RYK: variants seen among roughly 807,000 people sequenced by gnomAD.
The protein encoded by RYK is receptor like tyrosine kinase, also known as inactive tyrosine-protein kinase RYK.
In RYK, 21 loss-of-function variants were observed where a neutral mutation model predicts 70.2. That is an observed-to-expected ratio of 0.30 (90% CI 0.21 to 0.43). The LOEUF (loss-of-function observed/expected upper bound fraction) is 0.43. Ranked by LOEUF, RYK falls within the 20% of genes least tolerant of loss-of-function variation. The probability of loss-of-function intolerance (pLI) is 1.00; values close to 1 mark genes in which losing one functional copy is unlikely to be tolerated. For missense variants in RYK, 604 were observed against 753.3 expected, an observed-to-expected ratio of 0.80 and a Z score of 2.32; for synonymous variants, 267 against 278.0, an observed-to-expected ratio of 0.96 and a Z score of 0.39.
At chr3:134,202,615 G>A in intron 6 of RYK, 115 bp downstream of exon 6, 1 of 769,808 alleles carries the variant, frequency 1.3e-6, no homozygotes, top group Non-Finnish European at 2.0e-6. Flanking sequence ...CTTTGGCTGG[G>A]GCTTAATCAT....
intron 1 of RYK, among the ~76,000 whole-genome samples, chr3:134,224,385 G>C (rs1038186204): frequency 6.6e-6 from 1 of 152,140 alleles, no homozygotes; most frequent in East Asian, 1.9e-4. Flanking sequence ...TGCATTTCTC[G>C]GAGAGATCAA....
At chr3:134,214,242 G>A (rs1006717008) in intron 2 of RYK, among the ~76,000 whole-genome samples, 3 of 152,106 alleles carry the variant, frequency 2.0e-5, no homozygotes, top group Non-Finnish European at 1.5e-5. Flanking sequence ...ATCCTGACAC[G>A]CTAAAGAATT....
In RYK at chr3:134,195,129, G is replaced by C. The variant is rs2013771752; in HGVS notation, c.842C>G (p.Thr281Ser). The C allele has an allele frequency of 6.2e-7, 1 of 1,613,696 alleles. No homozygotes were observed. The change falls in exon 7 of 15, where the codon ACT (threonine) becomes AGT (serine). Residue 281 changes from threonine (T) to serine (S), a missense_variant. Physicochemically the swap from Thr to Ser is moderately conservative, Grantham distance 58. Transcript: ENST00000623711. The stretch of plus-strand genomic sequence containing the variant: ...GGGCGTGTCTGCTCTCAGATACTGA[G>C]TCGTCTGGGTGGATGGCTGAGACAG... ...QGLSQPSTQT[T>S]QYLRADTPNN...
chr3:134,216,411 T>C (rs1289059185), intron 2 of RYK, among the ~76,000 whole-genome samples: 1 of 151,200 alleles, frequency 6.6e-6, no homozygotes, highest in Non-Finnish European at 1.5e-5. Context: ...GACGAATTCC[T>C]GAAAGCACAG....
intron 1 of RYK, among the ~76,000 whole-genome samples, chr3:134,238,151 A>G (rs2015237842): frequency 6.6e-6 from 1 of 152,258 alleles, no homozygotes; most frequent in Non-Finnish European, 1.5e-5. Context: ...TAACTACATT[A>G]TAAGACAAGG....
In RYK at chr3:134,209,496, T is replaced by C. The variant is rs1384056885; in HGVS notation, c.589+199A>G. ...TTCTGACAAAAGATTTGAGAAAGCA[T>C]GGACTGAATGAGGCCTGAGTGAGAT... is the stretch of plus-strand genomic sequence containing the variant. On this transcript the variant is annotated intron_variant, in intron 4 of 14. Transcript: ENST00000623711. 2.0e-5 allele frequency among the ~76,000 whole-genome samples: 3 copies of C among 152,214 alleles called. No homozygotes were observed. In the South Asian group the frequency reaches 6.2e-4, roughly 31 times the overall value.
rs553048983 is a variant in RYK at position 134,193,390 on chromosome 3, A to T, written c.890-1416T>A. On this transcript the variant is annotated intron_variant, in intron 7 of 14. Transcript: ENST00000623711. Reference sequence around the variant, plus strand: ...AGTAGAGATGGGGTTTCACCGTGTTAGCCAGGATGGTCTTGATCTCCTGAC... The same window carrying T: ...AGTAGAGATGGGGTTTCACCGTGTTTGCCAGGATGGTCTTGATCTCCTGAC... Among the ~76,000 whole-genome samples, 3 of 152,220 alleles carry T rather than the reference A, an allele frequency of 2.0e-5. No homozygotes were observed. The South Asian group carries it at 6.2e-4, about 32-fold the overall frequency.
At chr3:134,233,838 A>G (rs773300513) in intron 1 of RYK, among the ~76,000 whole-genome samples, 1 of 152,218 alleles carries the variant, frequency 6.6e-6, no homozygotes, top group Non-Finnish European at 1.5e-5. Flanking sequence ...TGCTTAGAAT[A>G]TAACAGTAAA....
intron 8 of RYK, among the ~76,000 whole-genome samples, chr3:134,191,521 G>C (rs2013640998): frequency 6.6e-6 from 1 of 152,180 alleles, no homozygotes. Context: ...ATCCGTCAGA[G>C]AGAAAGTAAC....
intron 9 of RYK, among the ~76,000 whole-genome samples, chr3:134,188,167 A>ATTTTT (rs57894961): frequency 6.1e-5 from 8 of 130,218 alleles, no homozygotes; most frequent in South Asian, 2.7e-4. Flanking sequence ...ATATATATAT[A>ATTTTT]TTTTTTTTTT....
chr3:134,187,721 C>CTTTT (rs77809666), intron 9 of RYK, among the ~76,000 whole-genome samples: 320 of 136,910 alleles, frequency 2.3e-3, no homozygotes, highest in African/African-American at 7.9e-3. Flanking sequence ...CACCCAGCTA[C>CTTTT]TTTTTTTTTT....
At chr3:134,217,079 A>G (rs1576525897) in intron 2 of RYK, among the ~76,000 whole-genome samples, 1 of 152,176 alleles carries the variant, frequency 6.6e-6, no homozygotes, top group Non-Finnish European at 1.5e-5. Flanking sequence ...AAGAGACCAC[A>G]ATCTGTGTGG....
At chr3:134,234,823 T>C (rs377710118) in intron 1 of RYK, among the ~76,000 whole-genome samples, 14 of 152,246 alleles carry the variant, frequency 9.2e-5, no homozygotes, top group African/African-American at 3.1e-4. Flanking sequence ...ATCATCACTG[T>C]TCTGTATCAA....
At position 134,227,762 on chromosome 3, in the gene RYK, C is replaced by T. The variant is rs189650825; in HGVS notation, c.233-5223G>A. ...TCAGCTCACTGCAAGCTCTGCCTCC[C>T]GGGTTCACGCCATTCTCCCGCCTCA... On this transcript the variant is annotated intron_variant, in intron 1 of 14. Coordinates refer to ENST00000623711, the MANE Select transcript of RYK (RefSeq NM_002958.4). Among the ~76,000 whole-genome samples the T allele has an allele frequency of 4.6e-3, 705 of 152,046 alleles. 2 individuals are homozygous for T. The highest frequency in any genetic ancestry group is 0.016 in the East Asian group (82 of 5,162).
At chr3:134,172,554 T>C (rs1359564068) in intron 13 of RYK, among the ~76,000 whole-genome samples, 1 of 152,250 alleles carries the variant, frequency 6.6e-6, no homozygotes, top group Non-Finnish European at 1.5e-5. Flanking sequence ...GTACAGCAGC[T>C]GTGCATTGGT....
chr3:134,202,681 T>C (rs2014062733), intron 6 of RYK, 49 bp downstream of exon 6: 2 of 1,570,158 alleles, frequency 1.3e-6, no homozygotes, highest in Admixed American at 1.7e-5. Flanking sequence ...CCCACATATA[T>C]ACAAATAACT....
intron 11 of RYK, among the ~76,000 whole-genome samples, chr3:134,176,962 G>A (rs1576505968): frequency 6.6e-6 from 1 of 151,966 alleles, no homozygotes; most frequent in African/African-American, 2.4e-5. Context: ...GCAGGAGAAC[G>A]GCGTGAACCT....
chr3:134,250,578 G>A lies in RYK; in HGVS notation c.77C>T (p.Pro26Leu). Residue 26 changes from proline to leucine, a missense_variant, in exon 1 of 15, where the codon CCG becomes CTG. Coordinates refer to ENST00000623711, the MANE Select transcript of RYK (RefSeq NM_002958.4). ...CGCAAGCAGAAGCAGCAGCGGCGGC[G>A]GCGGCGGGGCCCTCAGGCCGCGGGC... is the stretch of plus-strand genomic sequence containing the variant. ...PGARGLRAPP[P>L]PPLLLLLALL... 9.3e-7 allele frequency: 1 copy of A among 1,070,850 alleles called. No homozygotes were observed. The highest frequency in any genetic ancestry group is 1.2e-6 in the Non-Finnish European group (1 of 865,024). 66.3% of individuals were successfully genotyped at this position (1,070,850 alleles called of 1,614,324 possible).
chr3:134,236,695 A>C (rs980696863), intron 1 of RYK, among the ~76,000 whole-genome samples: 1 of 152,214 alleles, frequency 6.6e-6, no homozygotes, highest in African/African-American at 2.4e-5. Context: ...ACTTTAATCA[A>C]AACAGTGTAG....
Sources: gnomAD v4.1 joint callset for allele counts (sites outside exome capture counted in the v4.1 genomes callset) on GRCh38, gnomAD v4.1.1 for gene constraint, MANE v1.5 for transcripts, NCBI Gene and HGNC (gene_info 2026-07-23, HGNC 2026-07-21) for gene names.